VSNL1: variants seen among roughly 807,000 people sequenced by gnomAD.
The protein encoded by VSNL1 is visinin-like protein 1.
A neutral mutation model predicts 20.4 loss-of-function variants in VSNL1; 6 were observed. The ratio of observed to expected loss-of-function variants is 0.29; its 90% CI spans 0.16 to 0.58. The LOEUF is 0.58. Among genes scored for constraint, VSNL1 ranks in the 20% least tolerant of loss-of-function variants. The pLI is 0.90. For synonymous variants in VSNL1, 93 were observed against 86.4 expected (o/e 1.08, Z -0.42); for missense variants, 100 against 234.5 (o/e 0.43, Z 3.75).
intron 1 of VSNL1, among the ~76,000 whole-genome samples, chr2:17,557,740 G>C (rs770694472): frequency 2.0e-5 from 3 of 152,110 alleles, no homozygotes; most frequent in Non-Finnish European, 2.9e-5. Context: ...CACTCACAAG[G>C]CTCCAGTAAC....
chr2:17,603,725 C>T (rs1664883619), intron 2 of VSNL1, among the ~76,000 whole-genome samples: 1 of 152,146 alleles, frequency 6.6e-6, no homozygotes, highest in Non-Finnish European at 1.5e-5. Context: ...ACAACTAATC[C>T]ACAAACTGCC....
chr2:17,649,669 G>A lies in VSNL1; in HGVS notation c.378+44G>A. On this transcript the variant is annotated intron_variant, in intron 3 of 3. Transcript: ENST00000295156. This position sits in a 1 kb window ranked among gnomAD's most constrained non-coding sequence, Gnocchi z 6.4. Reference sequence around the variant, plus strand: ...TTGGCGGGTGGTGGGCACAGAAGGAGACCCCACGGCAGCCTCCTAGGTGCA... The same window carrying A: ...TTGGCGGGTGGTGGGCACAGAAGGAAACCCCACGGCAGCCTCCTAGGTGCA... 1 of 1,597,830 alleles carries A rather than the reference G, an allele frequency of 6.3e-7. No homozygotes were observed. Among genetic ancestry groups the A allele is most frequent in the African/African-American group, 1.3e-5 (1 of 74,692 alleles).
At chr2:17,575,831 G>A (rs1664199887) in intron 1 of VSNL1, among the ~76,000 whole-genome samples, 2 of 151,942 alleles carry the variant, frequency 1.3e-5, no homozygotes, top group South Asian at 2.1e-4. Flanking sequence ...CACTGCGCCC[G>A]GCCCGATTTC....
chr2:17,569,266 A>G (rs1664025572), intron 1 of VSNL1, among the ~76,000 whole-genome samples: 1 of 151,874 alleles, frequency 6.6e-6, no homozygotes, highest in Non-Finnish European at 1.5e-5. Context: ...GAGATCATAC[A>G]ACTGTACTCC....
chr2:17,647,249 G>GT (rs1240893178), intron 2 of VSNL1, among the ~76,000 whole-genome samples: 1 of 152,132 alleles, frequency 6.6e-6, no homozygotes, highest in Non-Finnish European at 1.5e-5. Context: ...ACATAAGATA[G>GT]TTAAAGCATT....
chr2:17,563,680 A>C (rs1663869918), intron 1 of VSNL1, among the ~76,000 whole-genome samples: 1 of 152,122 alleles, frequency 6.6e-6, no homozygotes, highest in Admixed American at 6.5e-5. Flanking sequence ...CAGTGAGCCG[A>C]GATCGCACCA....
At chr2:17,629,971 T>C (rs191845492) in intron 2 of VSNL1, among the ~76,000 whole-genome samples, 3 of 152,148 alleles carry the variant, frequency 2.0e-5, no homozygotes, top group South Asian at 2.1e-4. Context: ...TTTGTGAGTA[T>C]GCAAAAACAG....
chr2:17,636,215 T>A (rs1206045213), intron 2 of VSNL1, among the ~76,000 whole-genome samples: 1 of 151,918 alleles, frequency 6.6e-6, no homozygotes, highest in Non-Finnish European at 1.5e-5. Context: ...AATAGACACC[T>A]AGATTTGGAG....
At chr2:17,550,538 G>A (rs1251881950) in intron 1 of VSNL1, among the ~76,000 whole-genome samples, 1 of 152,140 alleles carries the variant, frequency 6.6e-6, no homozygotes, top group African/African-American at 2.4e-5. Flanking sequence ...GTTTGCTCTA[G>A]CAAAGAAGCT....
chr2:17,578,137 A>T (rs1017894617), intron 1 of VSNL1, among the ~76,000 whole-genome samples: 15 of 152,208 alleles, frequency 9.9e-5, no homozygotes, highest in Admixed American at 8.5e-4. Flanking sequence ...ATTAATATAC[A>T]CAATTTAATG....
At chr2:17,610,721 G>T (rs917645884) in intron 2 of VSNL1, among the ~76,000 whole-genome samples, 1 of 152,142 alleles carries the variant, frequency 6.6e-6, no homozygotes, top group Non-Finnish European at 1.5e-5. Context: ...AACATGATGC[G>T]GATTGCGATG....
In VSNL1 at chr2:17,558,208, C is replaced by G. The variant is rs148542903; in HGVS notation, c.-6+17290C>G. Reference sequence around the variant, plus strand: ...ATAAGGTTTTAAAGGGTTATAAAATCTTAATCAAATGAGCATAGTATCATG... The same window carrying G: ...ATAAGGTTTTAAAGGGTTATAAAATGTTAATCAAATGAGCATAGTATCATG... On this transcript the variant is annotated intron_variant, in intron 1 of 3. Coordinates refer to ENST00000295156, the MANE Select transcript of VSNL1 (RefSeq NM_003385.5). Among the ~76,000 whole-genome samples the G allele has an allele frequency of 2.2e-3, 335 of 152,232 alleles. 1 individual carries two copies. The highest frequency in any genetic ancestry group is 3.6e-3 in the Admixed American group (55 of 15,292).
At chr2:17,586,918 T>G (rs1475848650) in intron 1 of VSNL1, among the ~76,000 whole-genome samples, 1 of 152,148 alleles carries the variant, frequency 6.6e-6, no homozygotes, top group Non-Finnish European at 1.5e-5. Flanking sequence ...AAGGCCAGTC[T>G]CTACAAAGGC....
chr2:17,600,500 G>A (rs542848159), intron 2 of VSNL1, among the ~76,000 whole-genome samples: 1 of 152,324 alleles, frequency 6.6e-6, no homozygotes, highest in African/African-American at 2.4e-5. Flanking sequence ...AAATGTGACA[G>A]AGATGACTAC....
intron 2 of VSNL1, among the ~76,000 whole-genome samples, chr2:17,627,415 A>T (rs1665537446): frequency 6.6e-6 from 1 of 152,226 alleles, no homozygotes; most frequent in Non-Finnish European, 1.5e-5. Flanking sequence ...AAGACACGGG[A>T]ATTGCAATAG....
intron 1 of VSNL1, among the ~76,000 whole-genome samples, chr2:17,557,937 C>G (rs922047575): frequency 2.0e-5 from 3 of 152,142 alleles, no homozygotes; most frequent in African/African-American, 4.8e-5. Flanking sequence ...CCAAGTGCTC[C>G]TACAACTCTA....
intron 2 of VSNL1, among the ~76,000 whole-genome samples, chr2:17,593,090 T>C (rs1293946541): frequency 1.3e-5 from 2 of 152,226 alleles, no homozygotes; most frequent in Non-Finnish European, 2.9e-5. Context: ...CAATATTGAA[T>C]CACCCAGATG....
chr2:17,605,661 G>A (rs1664928860), intron 2 of VSNL1, among the ~76,000 whole-genome samples: 2 of 152,294 alleles, frequency 1.3e-5, no homozygotes, highest in Admixed American at 6.5e-5. Context: ...TGACCCAGAG[G>A]GACAGGATCA....
chr2:17,630,825 A>C (rs559732678), intron 2 of VSNL1, among the ~76,000 whole-genome samples: 33 of 152,242 alleles, frequency 2.2e-4, no homozygotes, highest in African/African-American at 7.5e-4. Context: ...TCTGTTGCCC[A>C]GGCTGGAGTG....
Sources: allele counts gnomAD v4.1 joint callset (sites outside exome capture counted in the v4.1 genomes callset), GRCh38; gene constraint gnomAD v4.1.1; non-coding constraint Gnocchi (gnomAD v3.1); transcripts MANE v1.5; gene names NCBI Gene and HGNC (gene_info 2026-07-23, HGNC 2026-07-21).